ANO3: variants seen among roughly 807,000 people sequenced by gnomAD.
ANO3 encodes anoctamin 3, also known as anoctamin-3.
A neutral mutation model predicts 144.8 loss-of-function variants in ANO3; 99 were observed. The observed-to-expected ratio is 0.68, with a 90% CI of 0.58 to 0.81. The LOEUF is 0.81. Among genes scored for constraint, ANO3 ranks in the 30% least tolerant of loss-of-function variants. ANO3 has a pLI of 0.00. For synonymous variants in ANO3, 414 were observed against 392.6 expected (o/e 1.05, Z -0.64); for missense variants, 905 against 1,202.2 (o/e 0.75, Z 3.66).
At chr11:26,560,957 G>T in intron 14 of ANO3, 1 of 1,099,254 alleles carries the variant, frequency 9.1e-7, no homozygotes. Context: ...GATTCTCCTT[G>T]ACAAAATCCA....
At chr11:26,567,222 T>A in intron 14 of ANO3, 1 of 860,846 alleles carries the variant, frequency 1.2e-6, no homozygotes, top group Non-Finnish European at 1.6e-6. Context: ...GTGCTTTTAA[T>A]GGAAAATTTA....
chr11:26,272,578 C>G (rs1055944251), intron 1 of ANO3, among the ~76,000 whole-genome samples: 12 of 152,066 alleles, frequency 7.9e-5, no homozygotes, highest in African/African-American at 2.4e-5. Context: ...TCTGAAGTGA[C>G]AAATTTAATG....
intron 21 of ANO3, 99 bp downstream of exon 21, chr11:26,639,340 A>T (rs1474506322): frequency 3.7e-6 from 3 of 801,932 alleles, no homozygotes; most frequent in East Asian, 5.1e-5. Context: ...TGGTAATCAG[A>T]CAAATGATGG....
intron 1 of ANO3, among the ~76,000 whole-genome samples, chr11:26,189,627 C>T (rs535183521): frequency 6.6e-6 from 1 of 152,258 alleles, no homozygotes; most frequent in South Asian, 2.1e-4. Context: ...CCTATCAAGG[C>T]TTAGTTTTGT....
chr11:26,407,034 GTATA>G (rs1179288112), intron 1 of ANO3, among the ~76,000 whole-genome samples: 2 of 124,618 alleles, frequency 1.6e-5, no homozygotes, highest in Non-Finnish European at 3.3e-5. Flanking sequence ...AGGTGTGTGT[GTATA>G]TATATATGGG....
intron 17 of ANO3, 55 bp from the exon 18 acceptor site, chr11:26,624,407 C>T (rs1402731609): frequency 7.8e-7 from 1 of 1,279,866 alleles, no homozygotes; most frequent in Non-Finnish European, 1.1e-6. Context: ...GTGTAAATAC[C>T]AGCCTTTTCC....
At chr11:26,475,300 G>A (rs761309128) in intron 4 of ANO3, among the ~76,000 whole-genome samples, 1 of 151,510 alleles carries the variant, frequency 6.6e-6, no homozygotes, top group Non-Finnish European at 1.5e-5. Flanking sequence ...CACTTTATCC[G>A]GTTAACTAAG....
chr11:26,379,270 C>A (rs1856513772), intron 1 of ANO3, among the ~76,000 whole-genome samples: 1 of 152,084 alleles, frequency 6.6e-6, no homozygotes, highest in Admixed American at 6.6e-5. Flanking sequence ...TCTCATAACC[C>A]TGGTTTTAAA....
At chr11:26,575,910 G>A (rs1274839523) in intron 14 of ANO3, among the ~76,000 whole-genome samples, 2 of 152,060 alleles carry the variant, frequency 1.3e-5, no homozygotes, top group African/African-American at 4.8e-5. Flanking sequence ...AAACAAAAAA[G>A]GTAGAGGATA....
chr11:26,442,518 T>C (rs1858556157), intron 2 of ANO3, among the ~76,000 whole-genome samples: 1 of 152,204 alleles, frequency 6.6e-6, no homozygotes, highest in African/African-American at 2.4e-5. Context: ...CAATAAAGCA[T>C]TGAAGATTTG....
chr11:26,206,893 T>G (rs770305172), intron 1 of ANO3, among the ~76,000 whole-genome samples: 1 of 152,174 alleles, frequency 6.6e-6, no homozygotes, highest in Non-Finnish European at 1.5e-5. Context: ...TAATAGGAAA[T>G]GTAGTACCCA....
chr11:26,434,495 C>G (rs748425655), intron 1 of ANO3, among the ~76,000 whole-genome samples: 5 of 152,154 alleles, frequency 3.3e-5, no homozygotes, highest in Non-Finnish European at 7.3e-5. Flanking sequence ...TCTTGCTTCT[C>G]TAGTTCTTTT....
chr11:26,574,375 TC>T (rs1850934129), intron 14 of ANO3, among the ~76,000 whole-genome samples: 1 of 152,156 alleles, frequency 6.6e-6, no homozygotes, highest in Non-Finnish European at 1.5e-5. Context: ...CAAAAGAGTA[TC>T]TTTTTGTACA....
chr11:26,230,547 A>G (rs1852368116), intron 1 of ANO3, among the ~76,000 whole-genome samples: 1 of 152,038 alleles, frequency 6.6e-6, no homozygotes, highest in South Asian at 2.1e-4. Context: ...CTGTAATCCC[A>G]GCATTTTGGG....
At chr11:26,321,479 T>C (rs1422858671) in intron 1 of ANO3, among the ~76,000 whole-genome samples, 1 of 152,094 alleles carries the variant, frequency 6.6e-6, no homozygotes, top group Non-Finnish European at 1.5e-5. Flanking sequence ...TTAGTATATT[T>C]TACTCATAAA....
At chr11:26,600,490 C>T (rs1158469479) in intron 17 of ANO3, among the ~76,000 whole-genome samples, 2 of 74,250 alleles carry the variant, frequency 2.7e-5, no homozygotes, top group Non-Finnish European at 5.5e-5. Flanking sequence ...CCCCTCTTCC[C>T]CTCCCCTCCT....
chr11:26,632,582 T>TTA (rs3038204), intron 18 of ANO3, among the ~76,000 whole-genome samples: 20,983 of 146,956 alleles, frequency 0.14, 1,851 homozygotes, highest in African/African-American at 0.25. Flanking sequence ...AATATACGTT[T>TTA]TATATATATA....
intron 4 of ANO3, among the ~76,000 whole-genome samples, chr11:26,477,228 C>A (rs1191428625): frequency 6.6e-6 from 1 of 151,990 alleles, no homozygotes; most frequent in South Asian, 2.1e-4. Context: ...GGACAGTAAA[C>A]ATAGGAGCTT....
At chr11:26,461,677 A>G (rs1859400411) in intron 3 of ANO3, among the ~76,000 whole-genome samples, 1 of 152,084 alleles carries the variant, frequency 6.6e-6, no homozygotes, top group African/African-American at 2.4e-5. Flanking sequence ...TATGGGGGAA[A>G]CATATTATAT....
Sources: gnomAD v4.1 joint callset for allele counts (sites outside exome capture counted in the v4.1 genomes callset) on GRCh38, gnomAD v4.1.1 for gene constraint, MANE v1.5 for transcripts, NCBI Gene and HGNC (gene_info 2026-07-23, HGNC 2026-07-21) for gene names.